The following CES5A variants were observed in gnomAD, a reference collection of about 807,000 sequenced individuals.
CES5A encodes the protein carboxylesterase 5A.
Under a neutral mutation model 62.9 loss-of-function variants are expected in CES5A, and 67 were observed. That is an observed-to-expected ratio of 1.07 (90% CI 0.88 to 1.31). The LOEUF (loss-of-function observed/expected upper bound fraction) is 1.31, where lower values mean the gene tolerates loss of function less well. Among genes scored for constraint, CES5A ranks in the 50% most tolerant of loss-of-function variants. The pLI is 0.00. For missense variants in CES5A, 748 were observed against 708.5 expected (o/e 1.06, Z -0.63); for synonymous variants, 296 against 280.8 (o/e 1.05, Z -0.54).
chr16:55,905,695 G>A (rs556325515), intron 1 of CES5A, among the ~76,000 whole-genome samples: 17 of 151,892 alleles, frequency 1.1e-4, no homozygotes, highest in South Asian at 2.1e-4. Flanking sequence ...TTCCTCCCAC[G>A]CCCAGAGCAA....
chr16:55,933,240 C>T (rs2034332756), intron 2 of CES5A, among the ~76,000 whole-genome samples: 1 of 152,200 alleles, frequency 6.6e-6, no homozygotes. Flanking sequence ...GAACCAGTCA[C>T]ATGACTCCAT....
At chr16:55,946,559 G>A (rs1374603229) in intron 2 of CES5A, among the ~76,000 whole-genome samples, 1 of 152,174 alleles carries the variant, frequency 6.6e-6, no homozygotes, top group African/African-American at 2.4e-5. Context: ...TCACTAACCT[G>A]AAACATACCT....
At position 55,865,991 on chromosome 16, in the gene CES5A, G is replaced by A; in HGVS notation, c.677C>T (p.Ser226Phe). Residue 226 changes from serine to phenylalanine, a missense_variant, in exon 5 of 13, where the codon TCC becomes TTC. Ser to Phe is a radical substitution (Grantham distance 155). Coordinates refer to ENST00000290567, the MANE Select transcript of CES5A (RefSeq NM_001143685.2). ...ACTAGAAACACTTATGGCTCCCGCGGACTCGCCAAAGATGGTCACAGAGCT... is the reference window on the plus strand; with the variant it reads ...ACTAGAAACACTTATGGCTCCCGCGAACTCGCCAAAGATGGTCACAGAGCT... ...DPSSVTIFGESAGAISVSSLI... is the reference protein window; with the variant it reads ...DPSSVTIFGEFAGAISVSSLI... The A allele has an allele frequency of 6.2e-7, 1 of 1,614,196 alleles. No individual in the cohort carries two copies. The highest frequency in any genetic ancestry group is 8.5e-7 in the Non-Finnish European group (1 of 1,180,026).
chr16:55,900,439 C>A (rs141137613), intron 1 of CES5A, among the ~76,000 whole-genome samples: 1 of 152,262 alleles, frequency 6.6e-6, no homozygotes, highest in African/African-American at 2.4e-5. Context: ...GCTTTCCTCT[C>A]GAGGAATAAT....
Position 55,875,276 on chromosome 16 carries a change from G to A in CES5A, c.-55C>T, listed in dbSNP as rs2033675517. ...TGACGGCGGCTGCTGGCCTCAGAGAGCTTCAGTTGGGAGCCAGAAAGAGCT... is the reference window on the plus strand; with the variant it reads ...TGACGGCGGCTGCTGGCCTCAGAGAACTTCAGTTGGGAGCCAGAAAGAGCT... On this transcript the variant is annotated 5_prime_UTR_variant, in exon 1 of 13. Coordinates refer to ENST00000290567, the MANE Select transcript of CES5A (RefSeq NM_001143685.2). 3 of 1,589,962 alleles carry A rather than the reference G, an allele frequency of 1.9e-6. No individual in the cohort carries two copies. The highest frequency in any genetic ancestry group is 1.4e-5 in the African/African-American group (1 of 73,752).
chr16:55,886,450 G>A (rs1200002954), intron 1 of CES5A, among the ~76,000 whole-genome samples: 1 of 152,090 alleles, frequency 6.6e-6, no homozygotes, highest in African/African-American at 2.4e-5. Flanking sequence ...TACAAACAGA[G>A]GGACAAAACT....
At chr16:55,932,545 A>G (rs950857202) in intron 2 of CES5A, among the ~76,000 whole-genome samples, 11 of 129,838 alleles carry the variant, frequency 8.5e-5, no homozygotes, top group Admixed American at 2.5e-4. Context: ...ATAGTGTGTG[A>G]TGACAGAAAA....
chr16:55,951,470 A>G (rs1239276827), intron 1 of CES5A, among the ~76,000 whole-genome samples: 1 of 152,222 alleles, frequency 6.6e-6, no homozygotes, highest in Admixed American at 6.5e-5. Flanking sequence ...CAACTATTAT[A>G]GAAGAAAAAA....
intron 1 of CES5A, among the ~76,000 whole-genome samples, chr16:55,953,214 C>T (rs115137114): frequency 6.6e-6 from 1 of 151,980 alleles, no homozygotes; most frequent in African/African-American, 2.4e-5. Flanking sequence ...TACAATAGAC[C>T]CACAGTGTAC....
chr16:55,852,685 T>A (rs1198852944), intron 10 of CES5A, among the ~76,000 whole-genome samples, 196 bp downstream of exon 10: 1 of 152,150 alleles, frequency 6.6e-6, no homozygotes, highest in African/African-American at 2.4e-5. Context: ...AAACAACTGA[T>A]CAACATCCCC....
At chr16:55,904,987 T>C (rs2034025684) in intron 1 of CES5A, among the ~76,000 whole-genome samples, 1 of 152,204 alleles carries the variant, frequency 6.6e-6, no homozygotes. Context: ...ATATTTTTAT[T>C]AAATTGAATT....
At chr16:55,884,735 G>T (rs2033797289) in intron 1 of CES5A, among the ~76,000 whole-genome samples, 1 of 152,100 alleles carries the variant, frequency 6.6e-6, no homozygotes, top group Non-Finnish European at 1.5e-5. Flanking sequence ...TTGACTACAG[G>T]CATGTGCTAC....
intron 2 of CES5A, among the ~76,000 whole-genome samples, chr16:55,942,010 C>T (rs1413028253): frequency 1.3e-5 from 2 of 152,068 alleles, no homozygotes; most frequent in Non-Finnish European, 2.9e-5. Context: ...TTAACAGAAG[C>T]GCTGAAACAA....
At chr16:55,941,378 A>G (rs1233365892) in intron 2 of CES5A, among the ~76,000 whole-genome samples, 2 of 152,024 alleles carry the variant, frequency 1.3e-5, no homozygotes. Flanking sequence ...AAACAATGTC[A>G]TTCACAATAC....
At chr16:55,885,277 C>A (rs1314839685) in intron 1 of CES5A, among the ~76,000 whole-genome samples, 4 of 152,178 alleles carry the variant, frequency 2.6e-5, no homozygotes, top group African/African-American at 9.7e-5. Flanking sequence ...TCGTCAATCA[C>A]CCAAGATGAT....
At chr16:55,900,717 C>G (rs538351752) in intron 1 of CES5A, among the ~76,000 whole-genome samples, 4 of 152,086 alleles carry the variant, frequency 2.6e-5, no homozygotes, top group Admixed American at 6.6e-5. Flanking sequence ...GAACAAGAGT[C>G]GAGCTTGCTC....
intron 1 of CES5A, among the ~76,000 whole-genome samples, chr16:55,883,660 A>C (rs2033784587): frequency 6.6e-6 from 1 of 152,048 alleles, no homozygotes; most frequent in Non-Finnish European, 1.5e-5. Context: ...TTCTTTACTA[A>C]CTTGGCCATG....
intron 2 of CES5A, among the ~76,000 whole-genome samples, chr16:55,938,158 C>T (rs754979085): frequency 7.9e-5 from 12 of 152,114 alleles, no homozygotes; most frequent in East Asian, 3.9e-4. Context: ...TTTTCCCTTT[C>T]GTCACAGGAA....
At chr16:55,891,373 CT>C (rs1350253445) in intron 1 of CES5A, among the ~76,000 whole-genome samples, 2 of 152,208 alleles carry the variant, frequency 1.3e-5, no homozygotes, top group Non-Finnish European at 2.9e-5. Flanking sequence ...AGTGCTATTT[CT>C]TTTGCAGCAC....
Sources: gnomAD v4.1 joint callset for allele counts (sites outside exome capture counted in the v4.1 genomes callset) on GRCh38, gnomAD v4.1.1 for gene constraint, MANE v1.5 for transcripts, NCBI Gene and HGNC (gene_info 2026-07-23, HGNC 2026-07-21) for gene names.